Variants in ANKRD45 observed in about 807,000 individuals in gnomAD.
The protein encoded by ANKRD45 is ankyrin repeat domain 45, also known as ankyrin repeat domain-containing protein 45.
A neutral mutation model predicts 28.1 loss-of-function variants in ANKRD45; 21 were observed. The ratio of observed to expected loss-of-function variants is 0.75; its 90% CI spans 0.53 to 1.08. The LOEUF (loss-of-function observed/expected upper bound fraction) is 1.08, where lower values mean the gene tolerates loss of function less well. ANKRD45 is among the 50% of genes least tolerant of loss of function. The pLI, the probability that ANKRD45 is intolerant of heterozygous loss-of-function variation, is 0.00. For missense variants in ANKRD45, 261 were observed against 308.7 expected (o/e 0.85, Z 1.16); for synonymous variants, 86 against 103.9 (o/e 0.83, Z 1.05).
chr1:173,644,865 T>A (rs1249316658), intron 3 of ANKRD45, among the ~76,000 whole-genome samples: 1 of 152,156 alleles, frequency 6.6e-6, no homozygotes, highest in East Asian at 1.9e-4. Context: ...TAGTGGCACA[T>A]GCCTGTAATA....
intron 2 of ANKRD45, among the ~76,000 whole-genome samples, chr1:173,655,365 G>A (rs1315820527): frequency 1.3e-5 from 2 of 152,170 alleles, no homozygotes; most frequent in East Asian, 1.9e-4. Context: ...TCAGCTGCAG[G>A]TCTGTTGGAG....
At chr1:173,679,565 A>C in the ANKRD45 span, among the ~76,000 whole-genome samples, 1 of 152,226 alleles carries the variant, frequency 6.6e-6, no homozygotes, top group African/African-American at 2.4e-5. Flanking sequence ...ATTAAGACTT[A>C]AATGTAAGAC....
At chr1:173,674,490 GCCCAAGGTGGTTAGAGCAGTC>G (rs1186608122), upstream of ANKRD45, among the ~76,000 whole-genome samples, 5 of 152,178 alleles carry the variant, frequency 3.3e-5, no homozygotes, top group Admixed American at 1.3e-4. Flanking sequence ...GATAACATGT[GCCCAAGGTGGTTAGAGCAGTC>G]CCCAAGGTGG....
chr1:173,705,578 A>G, the ANKRD45 span, among the ~76,000 whole-genome samples: 1 of 150,806 alleles, frequency 6.6e-6, no homozygotes, highest in Admixed American at 6.6e-5. Flanking sequence ...GAGGCAGGAG[A>G]ACTCCTTGAG....
intron 3 of ANKRD45, among the ~76,000 whole-genome samples, chr1:173,643,171 ATT>A (rs370267609): frequency 0.053 from 7,036 of 132,194 alleles, 394 homozygotes; most frequent in African/African-American, 0.2. Context: ...TTGCCTGAGA[ATT>A]TTTTTTTTTT....
the ANKRD45 span, among the ~76,000 whole-genome samples, chr1:173,699,904 T>C: frequency 3.3e-5 from 5 of 152,166 alleles, no homozygotes; most frequent in Admixed American, 3.3e-4. Context: ...GATGACATGA[T>C]TGTATATTTA....
At chr1:173,622,892 T>C (rs1667766828) in intron 5 of ANKRD45, among the ~76,000 whole-genome samples, 2 of 152,086 alleles carry the variant, frequency 1.3e-5, no homozygotes, top group Admixed American at 1.3e-4. Flanking sequence ...ATTTTTGCAA[T>C]CTATTCATCT....
chr1:173,638,321 G>C (rs1171106068), intron 3 of ANKRD45, among the ~76,000 whole-genome samples: 1 of 152,168 alleles, frequency 6.6e-6, no homozygotes, highest in Non-Finnish European at 1.5e-5. Flanking sequence ...CTGGGGGATT[G>C]AGCCTTGCCG....
intron 2 of ANKRD45, 103 bp downstream of exon 2, chr1:173,658,988 A>G: frequency 6.9e-7 from 1 of 1,459,282 alleles, no homozygotes; most frequent in South Asian, 1.4e-5. Flanking sequence ...ACATATATGT[A>G]AAGTATAAAA....
chr1:173,626,936 A>G (rs1421891228), intron 4 of ANKRD45, 129 bp downstream of exon 4: 2 of 609,178 alleles, frequency 3.3e-6, no homozygotes, highest in East Asian at 2.8e-5. Flanking sequence ...AGGAGGGAAG[A>G]AGGAAAGAAA....
At chr1:173,639,457 AAT>A (rs1668608388) in intron 3 of ANKRD45, among the ~76,000 whole-genome samples, 1 of 152,208 alleles carries the variant, frequency 6.6e-6, no homozygotes, top group African/African-American at 2.4e-5. Context: ...AGGAAAAGTT[AAT>A]AAAAATAGAA....
the ANKRD45 span, among the ~76,000 whole-genome samples, chr1:173,712,308 C>T: frequency 6.6e-6 from 1 of 152,182 alleles, no homozygotes; most frequent in African/African-American, 2.4e-5. Flanking sequence ...GACAACACAG[C>T]ACTGTAGCTG....
the ANKRD45 span, among the ~76,000 whole-genome samples, chr1:173,694,980 T>TTAAATG: frequency 6.6e-6 from 1 of 152,218 alleles, no homozygotes; most frequent in Non-Finnish European, 1.5e-5. Flanking sequence ...TTAGTTGTAA[T>TTAAATG]ATTTTTCAAA....
intron 3 of ANKRD45, among the ~76,000 whole-genome samples, chr1:173,645,429 C>T (rs965210989): frequency 6.6e-6 from 1 of 152,170 alleles, no homozygotes; most frequent in African/African-American, 2.4e-5. Context: ...AAAGCAGCAG[C>T]ATTTTTCAAG....
the ANKRD45 span, among the ~76,000 whole-genome samples, chr1:173,697,219 G>C: frequency 2.6e-5 from 4 of 152,184 alleles, no homozygotes; most frequent in Admixed American, 2.0e-4. Flanking sequence ...CAGGAGAATG[G>C]AACCAAGCTA....
chr1:173,704,346 A>G, the ANKRD45 span, among the ~76,000 whole-genome samples: 2 of 152,190 alleles, frequency 1.3e-5, no homozygotes, highest in Non-Finnish European at 2.9e-5. Flanking sequence ...AACTCTTACA[A>G]TTAAGTCCTG....
the ANKRD45 span, among the ~76,000 whole-genome samples, chr1:173,690,921 T>C: frequency 9.2e-5 from 14 of 152,176 alleles, no homozygotes; most frequent in African/African-American, 3.4e-4. Context: ...TGGGGCTCAA[T>C]TTCCCCACTG....
At chr1:173,610,238 A>G (rs2102303600) in intron 5 of ANKRD45, 23 bp from the exon 6 acceptor site, 1 of 1,601,744 alleles carries the variant, frequency 6.2e-7, no homozygotes, top group East Asian at 2.2e-5. Context: ...AGATTTTAAA[A>G]TTACATTTAA....
At chr1:173,666,300 T>C (rs755673368) in intron 1 of ANKRD45, among the ~76,000 whole-genome samples, 25 of 152,198 alleles carry the variant, frequency 1.6e-4, no homozygotes, top group Non-Finnish European at 7.3e-5. Context: ...AATGCAGATC[T>C]TGACATTTCT....
Sources: allele counts gnomAD v4.1 joint callset (sites outside exome capture counted in the v4.1 genomes callset), GRCh38; gene constraint gnomAD v4.1.1; transcripts MANE v1.5; gene names NCBI Gene and HGNC (gene_info 2026-07-23, HGNC 2026-07-21).